Variants in GAS7 observed in about 807,000 individuals in gnomAD.
GAS7 encodes growth arrest specific 7, also known as growth arrest-specific protein 7.
Under a neutral mutation model 71.1 loss-of-function variants are expected in GAS7, and 28 were observed. The ratio of observed to expected loss-of-function variants is 0.39; its 90% CI spans 0.29 to 0.54. The LOEUF (loss-of-function observed/expected upper bound fraction) is 0.54. Ranked by LOEUF, GAS7 falls within the 20% of genes least tolerant of loss-of-function variation. The pLI is 0.62. For missense variants in GAS7, 436 were observed against 627.8 expected, an observed-to-expected ratio of 0.69 and a Z score of 3.27; for synonymous variants, 258 against 245.8, an observed-to-expected ratio of 1.05 and a Z score of -0.46.
intron 1 of GAS7, among the ~76,000 whole-genome samples, chr17:10,083,868 C>T (rs1203948333): frequency 6.6e-6 from 1 of 152,186 alleles, no homozygotes; most frequent in African/African-American, 2.4e-5. Context: ...GGTAGGTATA[C>T]ATAAAATAGG....
At position 9,988,619 on chromosome 17, in the gene GAS7, G is replaced by A. The variant is rs146291163; in HGVS notation, c.305-6735C>T. Among the ~76,000 whole-genome samples the A allele has an allele frequency of 7.6e-4, 116 of 152,210 alleles. 2 individuals are homozygous for A. The East Asian group carries it at 0.016, about 20-fold the overall frequency. ...GGAGAATTGCTTGAAGCCAGGAGGC[G>A]GAGGTTGTGGTGAGCAGAGATCGCG... On this transcript the variant is annotated intron_variant, in intron 2 of 13. Coordinates refer to ENST00000432992, the MANE Select transcript of GAS7 (RefSeq NM_201433.2).
At chr17:10,007,749 C>A (rs1364638105) in intron 2 of GAS7, among the ~76,000 whole-genome samples, 1 of 151,144 alleles carries the variant, frequency 6.6e-6, no homozygotes, top group East Asian at 2.0e-4. Flanking sequence ...ATTCACATAT[C>A]ATTATATTCT....
intron 1 of GAS7, among the ~76,000 whole-genome samples, chr17:10,148,614 G>GAAA (rs539823559): frequency 4.3e-5 from 3 of 70,388 alleles, no homozygotes; most frequent in Non-Finnish European, 9.3e-5. Context: ...AAACACTCAA[G>GAAA]AAAAAAAAAA....
At chr17:9,968,354 A>T (rs1454685322) in intron 4 of GAS7, among the ~76,000 whole-genome samples, 3 of 152,152 alleles carry the variant, frequency 2.0e-5, no homozygotes, top group Non-Finnish European at 4.4e-5. Flanking sequence ...GTCACCTCGG[A>T]GCTGGCTGGA....
chr17:10,143,239 G>C lies in GAS7; in HGVS notation c.183+54969C>G, dbSNP rs990390400. On this transcript the variant is annotated intron_variant, in intron 1 of 13. Coordinates refer to ENST00000432992, the MANE Select transcript of GAS7 (RefSeq NM_201433.2). ...CTTAACCCCTAGTAACTCTAGATGT[G>C]ACTATAATTGGAGATAGGCGGCCAA... Among the ~76,000 whole-genome samples the C allele has an allele frequency of 4.6e-5, 7 of 151,628 alleles. No homozygotes were observed. In the South Asian group the frequency reaches 1.5e-3, roughly 32 times the overall value.
chr17:10,011,297 A>G (rs1050505152), intron 2 of GAS7, among the ~76,000 whole-genome samples: 1 of 152,208 alleles, frequency 6.6e-6, no homozygotes, highest in African/African-American at 2.4e-5. Context: ...GCATGGTGGA[A>G]TCTGGCTTTC....
At chr17:9,980,864 G>A (rs2070386400) in intron 3 of GAS7, among the ~76,000 whole-genome samples, 1 of 152,132 alleles carries the variant, frequency 6.6e-6, no homozygotes, top group Admixed American at 6.5e-5. Context: ...TCTTGGAGGA[G>A]GTGACATTTT....
chr17:10,127,891 G>A (rs1399874017), intron 1 of GAS7, among the ~76,000 whole-genome samples: 1 of 152,144 alleles, frequency 6.6e-6, no homozygotes. Context: ...CAAATTCCAG[G>A]ACCACCACTC....
chr17:10,106,178 C>T (rs542653105), intron 1 of GAS7, among the ~76,000 whole-genome samples: 3 of 152,328 alleles, frequency 2.0e-5, no homozygotes, highest in East Asian at 3.9e-4. Context: ...AAGTGCCATG[C>T]GTATTCCTAC....
chr17:9,981,509 C>T lies in GAS7; in HGVS notation c.385+295G>A, dbSNP rs923377605. Reference sequence around the variant, plus strand: ...GGGTGGTTCTGTCCACACTTCAGGTCTTCCTGCCCCTGACAGACAGGAAAG... The same window carrying T: ...GGGTGGTTCTGTCCACACTTCAGGTTTTCCTGCCCCTGACAGACAGGAAAG... On this transcript the variant is annotated intron_variant, in intron 3 of 13. Coordinates refer to ENST00000432992, the MANE Select transcript of GAS7 (RefSeq NM_201433.2). The surrounding 1 kb of genome is among the most constrained non-coding windows in gnomAD (Gnocchi z 4.4). Among the ~76,000 whole-genome samples, 1 of 152,180 alleles carries T rather than the reference C, an allele frequency of 6.6e-6. No homozygotes were observed. The highest frequency in any genetic ancestry group is 2.4e-5 in the African/African-American group (1 of 41,442).
At chr17:10,009,315 C>T (rs1013343057) in intron 2 of GAS7, among the ~76,000 whole-genome samples, 134 of 73,792 alleles carry the variant, frequency 1.8e-3, no homozygotes, top group African/African-American at 0.011. Flanking sequence ...AGCGAGACTC[C>T]GTCAAAAAAA....
intron 2 of GAS7, among the ~76,000 whole-genome samples, chr17:9,989,045 T>C (rs2070746061): frequency 6.6e-6 from 1 of 152,010 alleles, no homozygotes. Flanking sequence ...GAGACAGGGT[T>C]TCACCGTGTT....
At chr17:9,960,114 C>G (rs1056962559) in intron 4 of GAS7, among the ~76,000 whole-genome samples, 1 of 152,180 alleles carries the variant, frequency 6.6e-6, no homozygotes, top group African/African-American at 2.4e-5. Context: ...CACACAGCAA[C>G]CTGGGAAGCA....
intron 2 of GAS7, among the ~76,000 whole-genome samples, chr17:10,010,442 G>A (rs1361543153): frequency 2.0e-5 from 3 of 152,222 alleles, no homozygotes; most frequent in East Asian, 3.9e-4. Context: ...ATGAGCCACC[G>A]CGCCCAGCCT....
At chr17:10,081,043 T>C (rs546936867) in intron 1 of GAS7, among the ~76,000 whole-genome samples, 2 of 152,356 alleles carry the variant, frequency 1.3e-5, no homozygotes, top group South Asian at 2.1e-4. Context: ...AATTGGGCTC[T>C]TGCCTTATAA....
At chr17:10,099,558 C>T (rs953025918) in intron 1 of GAS7, among the ~76,000 whole-genome samples, 3 of 152,180 alleles carry the variant, frequency 2.0e-5, no homozygotes, top group African/African-American at 4.8e-5. Context: ...ATTTCTCCTC[C>T]AATGTACTTT....
intron 2 of GAS7, among the ~76,000 whole-genome samples, chr17:10,018,945 T>C (rs1031227540): frequency 6.6e-6 from 1 of 152,196 alleles, no homozygotes; most frequent in African/African-American, 2.4e-5. Context: ...AGTTCTCTCA[T>C]GGCAATTTCT....
rs982398742 is a variant in GAS7, at chr17:9,912,740, G to C, written c.*4488C>G. ...CTGGCATTTGGAGGAGGAGCCTGGGGAACTGAAGGAAGCAGCAAGCTGGAA... is the reference window on the plus strand; with the variant it reads ...CTGGCATTTGGAGGAGGAGCCTGGGCAACTGAAGGAAGCAGCAAGCTGGAA... On this transcript the variant is annotated 3_prime_UTR_variant, in exon 14 of 14. Transcript: ENST00000432992. 1 of 232,742 alleles carries C rather than the reference G, an allele frequency of 4.3e-6. No homozygotes were observed. The highest frequency in any genetic ancestry group is 2.2e-5 in the African/African-American group (1 of 45,322). 14.4% of individuals were successfully genotyped at this position (232,742 alleles called of 1,614,324 possible). A position where few individuals can be genotyped will look rare whatever the true frequency, so the allele number is the denominator to read the frequency against.
At chr17:10,125,728 T>C (rs2073940813) in intron 1 of GAS7, among the ~76,000 whole-genome samples, 1 of 151,892 alleles carries the variant, frequency 6.6e-6, no homozygotes, top group Non-Finnish European at 1.5e-5. Flanking sequence ...TGGGAGCCAC[T>C]GGCCACTGGG....
Sources: allele counts gnomAD v4.1 joint callset (sites outside exome capture counted in the v4.1 genomes callset), GRCh38; gene constraint gnomAD v4.1.1; non-coding constraint Gnocchi (gnomAD v3.1); transcripts MANE v1.5; gene names NCBI Gene and HGNC (gene_info 2026-07-23, HGNC 2026-07-21).